The following LHFPL6 variants were observed in gnomAD, a reference collection of about 807,000 sequenced individuals.
LHFPL6 encodes the protein LHFPL tetraspan subfamily member 6 protein.
In LHFPL6, 9 loss-of-function variants were observed where a neutral mutation model predicts 20.6. The ratio of observed to expected loss-of-function variants is 0.44; its 90% confidence interval spans 0.26 to 0.76. The LOEUF (loss-of-function observed/expected upper bound fraction) is 0.76, where lower values mean the gene tolerates loss of function less well. LHFPL6 is among the 30% of genes least tolerant of loss of function. LHFPL6 has a pLI of 0.20. For missense variants in LHFPL6, 218 were observed against 253.5 expected (o/e 0.86, Z 0.95); for synonymous variants, 105 against 98.7 (o/e 1.06, Z -0.38).
At chr13:39,358,057 G>T (rs747904856) in intron 3 of LHFPL6, among the ~76,000 whole-genome samples, 1 of 151,810 alleles carries the variant, frequency 6.6e-6, no homozygotes, top group Admixed American at 6.6e-5. Flanking sequence ...TCTAAAATTC[G>T]TATGGAACCA....
At chr13:39,576,770 A>C (rs1266589429) in intron 2 of LHFPL6, among the ~76,000 whole-genome samples, 1 of 151,974 alleles carries the variant, frequency 6.6e-6, no homozygotes, top group African/African-American at 2.4e-5. Flanking sequence ...AGTAGCTAGG[A>C]CTACAGGCAT....
At chr13:39,400,782 CAA>C (rs34833321) in intron 2 of LHFPL6, among the ~76,000 whole-genome samples, 67 of 53,488 alleles carry the variant, frequency 1.3e-3, no homozygotes, top group African/African-American at 4.1e-3. Context: ...GACTCCGTCT[CAA>C]AAAAAAAAAA....
chr13:39,456,308 C>A (rs1872568195), intron 2 of LHFPL6, among the ~76,000 whole-genome samples: 1 of 152,148 alleles, frequency 6.6e-6, no homozygotes, highest in African/African-American at 2.4e-5. Flanking sequence ...ACTCCCAAAT[C>A]TGTAAAAGGA....
chr13:39,535,449 C>A (rs1038372635), intron 2 of LHFPL6, among the ~76,000 whole-genome samples: 4 of 152,198 alleles, frequency 2.6e-5, no homozygotes, highest in South Asian at 4.1e-4. Context: ...TTATTAAGTA[C>A]AACAATTTTA....
intron 2 of LHFPL6, among the ~76,000 whole-genome samples, chr13:39,451,856 T>A (rs1203334420): frequency 6.6e-6 from 1 of 152,170 alleles, no homozygotes; most frequent in African/African-American, 2.4e-5. Flanking sequence ...CTGTTAAATA[T>A]TGTGAGAAAA....
At chr13:39,444,534 C>T (rs1048536539) in intron 2 of LHFPL6, among the ~76,000 whole-genome samples, 7 of 152,180 alleles carry the variant, frequency 4.6e-5, no homozygotes, top group South Asian at 2.1e-4. Flanking sequence ...CCTCAACATT[C>T]GCTGCCCTAC....
intron 3 of LHFPL6, among the ~76,000 whole-genome samples, chr13:39,375,183 G>A (rs542821655): frequency 5.3e-5 from 8 of 152,298 alleles, no homozygotes; most frequent in African/African-American, 1.9e-4. Context: ...AATCTGAGAG[G>A]CAAGGTGTGG....
At chr13:39,500,535 A>G (rs1869257806) in intron 2 of LHFPL6, among the ~76,000 whole-genome samples, 1 of 152,110 alleles carries the variant, frequency 6.6e-6, no homozygotes, top group South Asian at 2.1e-4. Flanking sequence ...CATTATAGGC[A>G]TAAGCCACCG....
chr13:39,343,298 A>C lies in LHFPL6; in HGVS notation c.*638T>G, dbSNP rs1479713612. The C allele has an allele frequency of 9.1e-6, 2 of 220,484 alleles. No homozygotes were observed. The highest frequency in any genetic ancestry group is 5.7e-5 in the Admixed American group (1 of 17,424). The allele number at this position is 220,484 out of a possible 1,614,324, so 13.7% of individuals were successfully genotyped here. A position where few individuals can be genotyped will look rare whatever the true frequency, so the allele number is the denominator to read the frequency against. ...CTTATTGGTCCATTTATTAGGCTTAATGTATGTTTTATAAAGTGATAATAC... is the reference window on the plus strand; with the variant it reads ...CTTATTGGTCCATTTATTAGGCTTACTGTATGTTTTATAAAGTGATAATAC... On this transcript the variant is annotated 3_prime_UTR_variant, in exon 4 of 4. Transcript: ENST00000379589.
intron 2 of LHFPL6, among the ~76,000 whole-genome samples, chr13:39,565,560 T>C (rs1448957804): frequency 2.6e-5 from 4 of 152,212 alleles, no homozygotes; most frequent in Admixed American, 6.5e-5. Flanking sequence ...GAATTGTAGT[T>C]TGAATGGAAT....
chr13:39,594,569 G>A (rs919511181), intron 2 of LHFPL6, among the ~76,000 whole-genome samples: 9 of 152,158 alleles, frequency 5.9e-5, no homozygotes, highest in African/African-American at 2.2e-4. Flanking sequence ...CGATTCCTCA[G>A]GGATCTAGAA....
chr13:39,486,507 C>T lies in LHFPL6; in HGVS notation c.386-107981G>A, dbSNP rs534713731. Among the ~76,000 whole-genome samples, 199 of 152,244 alleles carry T rather than the reference C, an allele frequency of 1.3e-3. 1 individual carries two copies. Among genetic ancestry groups the T allele is most frequent in the Non-Finnish European group, 2.1e-3 (143 of 68,018 alleles). The stretch of plus-strand genomic sequence containing the variant: ...CCCCACAAACCTGAAATATTTGAGG[C>T]AAATAGTGGTTACTTATAGGTCACC... On this transcript the variant is annotated intron_variant, in intron 2 of 3. Transcript: ENST00000379589.
intron 2 of LHFPL6, among the ~76,000 whole-genome samples, chr13:39,511,286 AATTT>A (rs1869697040): frequency 6.6e-6 from 1 of 152,178 alleles, no homozygotes; most frequent in Non-Finnish European, 1.5e-5. Flanking sequence ...CATTTTGTCA[AATTT>A]GTTTATTTCT....
chr13:39,392,740 T>C (rs975351129), intron 2 of LHFPL6, among the ~76,000 whole-genome samples: 4 of 152,088 alleles, frequency 2.6e-5, no homozygotes, highest in Admixed American at 2.6e-4. Flanking sequence ...AAAACCTGAA[T>C]ACCAGTTGTA....
chr13:39,388,161 AG>A (rs1870616222), intron 2 of LHFPL6, among the ~76,000 whole-genome samples: 1 of 152,252 alleles, frequency 6.6e-6, no homozygotes, highest in Non-Finnish European at 1.5e-5. Flanking sequence ...AATCACAATA[AG>A]GCTATTTCTT....
chr13:39,480,157 T>C (rs1868454674), intron 2 of LHFPL6, among the ~76,000 whole-genome samples: 1 of 152,084 alleles, frequency 6.6e-6, no homozygotes, highest in Non-Finnish European at 1.5e-5. Flanking sequence ...TTGAAGAAGG[T>C]CTTGTCTGAG....
intron 2 of LHFPL6, among the ~76,000 whole-genome samples, chr13:39,581,740 C>A (rs992082169): frequency 5.3e-5 from 8 of 152,004 alleles, no homozygotes; most frequent in African/African-American, 1.9e-4. Flanking sequence ...AAAAAAAGTG[C>A]TATTCCTATA....
intron 2 of LHFPL6, among the ~76,000 whole-genome samples, chr13:39,591,930 T>C (rs1445701378): frequency 6.6e-6 from 1 of 152,184 alleles, no homozygotes; most frequent in African/African-American, 2.4e-5. Context: ...ACACCGTCTC[T>C]ACTAAAAATA....
chr13:39,417,754 G>A (rs545780556), intron 2 of LHFPL6, among the ~76,000 whole-genome samples: 2 of 152,274 alleles, frequency 1.3e-5, no homozygotes, highest in African/African-American at 2.4e-5. Context: ...CTCCTGGGCC[G>A]GGGCAGGGGC....
Sources: allele counts gnomAD v4.1 joint callset (sites outside exome capture counted in the v4.1 genomes callset), GRCh38; gene constraint gnomAD v4.1.1; transcripts MANE v1.5; gene names NCBI Gene and HGNC (gene_info 2026-07-23, HGNC 2026-07-21).